Variants in PACSIN1 observed in about 807,000 individuals in gnomAD.
PACSIN1 encodes protein kinase C and casein kinase substrate in neurons protein 1.
PACSIN1 carries 15 observed loss-of-function variants against 59.5 expected under a neutral mutation model. That is an observed-to-expected ratio of 0.25 (90% CI 0.17 to 0.39). PACSIN1 has a LOEUF of 0.39. Among genes scored for constraint, PACSIN1 ranks in the 10% least tolerant of loss-of-function variants. The pLI, the probability that PACSIN1 is intolerant of heterozygous loss-of-function variation, is 1.00. For missense variants in PACSIN1, 420 were observed against 580.2 expected, an observed-to-expected ratio of 0.72 and a Z score of 2.84; for synonymous variants, 210 against 220.6, an observed-to-expected ratio of 0.95 and a Z score of 0.42.
In PACSIN1 at chr6:34,515,368, G is replaced by C. The variant is rs1767273923; in HGVS notation, c.-63-10875G>C. Among the ~76,000 whole-genome samples, 1 of 152,188 alleles carries C rather than the reference G, an allele frequency of 6.6e-6. No individual in the cohort carries two copies. Among genetic ancestry groups the C allele is most frequent in the Non-Finnish European group, 1.5e-5 (1 of 68,010 alleles). Reference sequence around the variant, plus strand: ...GTAGCCATGCCCCCTCCTTGGGGCAGCAGGCCGAGGGAGGCTGGAGCCTCC... The same window carrying C: ...GTAGCCATGCCCCCTCCTTGGGGCACCAGGCCGAGGGAGGCTGGAGCCTCC... On this transcript the variant is annotated intron_variant, in intron 1 of 9. Transcript: ENST00000244458. This position sits in a 1 kb window ranked among gnomAD's most constrained non-coding sequence, Gnocchi z 4.4.
At chr6:34,503,603 TA>T (rs1172180319) in intron 1 of PACSIN1, among the ~76,000 whole-genome samples, 1 of 152,282 alleles carries the variant, frequency 6.6e-6, no homozygotes, top group South Asian at 2.1e-4. Flanking sequence ...GAATGTGGGC[TA>T]GGGGTGCTCA....
chr6:34,520,169 G>T (rs1337922489), intron 1 of PACSIN1, among the ~76,000 whole-genome samples: 1 of 152,124 alleles, frequency 6.6e-6, no homozygotes, highest in African/African-American at 2.4e-5. Flanking sequence ...AGTGGACACG[G>T]TGCATCTCAG....
At chr6:34,509,572 T>A (rs1354466723) in intron 1 of PACSIN1, among the ~76,000 whole-genome samples, 3 of 150,756 alleles carry the variant, frequency 2.0e-5, no homozygotes, top group Admixed American at 6.6e-5. Context: ...CCTATGATTT[T>A]AAGATTTTTT....
In PACSIN1 at chr6:34,525,408, C is replaced by A. The variant is rs532518290; in HGVS notation, c.-63-835C>A. Among the ~76,000 whole-genome samples the A allele has an allele frequency of 1.3e-5, 2 of 152,352 alleles. No homozygotes were observed. The highest frequency in any genetic ancestry group is 4.8e-5 in the African/African-American group (2 of 41,568). ...CCAACTGCTGGACCCCCAGGTTGGG[C>A]TGAATCTTACAGAGGCCAGCCTTCC... On this transcript the variant is annotated intron_variant, in intron 1 of 9. Transcript: ENST00000244458. The surrounding 1 kb of genome is among the most constrained non-coding windows in gnomAD (Gnocchi z 4.9).
rs749060740 is a variant in PACSIN1 at position 34,529,864 on chromosome 6, G to A, written c.788+23G>A. The stretch of plus-strand genomic sequence containing the variant: ...CAGGTACCTGGGCATGGCAGGCACC[G>A]AGGGCACAGGCACAGCCAGCAGATG... On this transcript the variant is annotated intron_variant, in intron 6 of 9. Transcript: ENST00000244458. The surrounding 1 kb of genome is among the most constrained non-coding windows in gnomAD (Gnocchi z 6.3). 44 of 1,607,516 alleles carry A rather than the reference G, an allele frequency of 2.7e-5. No homozygotes were observed. The highest frequency in any genetic ancestry group is 1.2e-4 in the Admixed American group (7 of 59,516).
chr6:34,473,609 G>A (rs987845988), intron 1 of PACSIN1, among the ~76,000 whole-genome samples: 2 of 152,144 alleles, frequency 1.3e-5, no homozygotes, highest in Admixed American at 6.5e-5. Context: ...TGGAGGGCTG[G>A]GGGTTGGGGG....
At chr6:34,511,430 G>A (rs1191051246) in intron 1 of PACSIN1, among the ~76,000 whole-genome samples, 1 of 152,200 alleles carries the variant, frequency 6.6e-6, no homozygotes. Context: ...TAACTGCCCA[G>A]AGCCTCAGTT....
intron 1 of PACSIN1, among the ~76,000 whole-genome samples, chr6:34,468,234 A>G (rs1264215075): frequency 6.6e-6 from 1 of 152,108 alleles, no homozygotes; most frequent in Non-Finnish European, 1.5e-5. Context: ...GGCTGCCAAC[A>G]AGGGTTCTGG....
At chr6:34,498,125 G>A (rs1005992302) in intron 1 of PACSIN1, among the ~76,000 whole-genome samples, 5 of 152,044 alleles carry the variant, frequency 3.3e-5, no homozygotes, top group African/African-American at 1.2e-4. Context: ...GCAGTGGCAC[G>A]ATCTCGGCTC....
chr6:34,529,502 C>G lies in PACSIN1; in HGVS notation c.562C>G (p.Gln188Glu). ...KTEQSVTPEQ[Q>E]KKLQDKVDKC... ...GGAGCAATCGGTCACACCTGAGCAGCAAAAGAAGCTGCAGGACAAAGTGGA... is the reference window on the plus strand; with the variant it reads ...GGAGCAATCGGTCACACCTGAGCAGGAAAAGAAGCTGCAGGACAAAGTGGA... Residue 188 changes from glutamine (Q) to glutamate (E), a missense_variant, in exon 5 of 10, where the codon CAA becomes GAA. Coordinates refer to ENST00000244458, the MANE Select transcript of PACSIN1 (RefSeq NM_020804.5). The surrounding 1 kb of genome is among the most constrained non-coding windows in gnomAD (Gnocchi z 6.3). 1.2e-6 allele frequency: 2 copies of G among 1,614,082 alleles called. No individual in the cohort carries two copies. Among genetic ancestry groups the G allele is most frequent in the Non-Finnish European group, 1.7e-6 (2 of 1,180,038 alleles).
At chr6:34,506,648 G>A (rs1767120516) in intron 1 of PACSIN1, among the ~76,000 whole-genome samples, 2 of 152,188 alleles carry the variant, frequency 1.3e-5, no homozygotes, top group South Asian at 4.1e-4. Context: ...TAGAAATCCA[G>A]GTCCCCTACT....
Position 34,530,366 on chromosome 6 carries a change from G to A in PACSIN1, c.909+3G>A. 1 of 1,613,716 alleles carries A rather than the reference G, an allele frequency of 6.2e-7. No homozygotes were observed. The highest frequency in any genetic ancestry group is 8.5e-7 in the Non-Finnish European group (1 of 1,179,714). ...CCATGAACTGGCCCCAGTTTGAGGT[G>A]AGGATATGTGGGGATGGGAAGGGGA... On this transcript the variant is annotated splice_donor_region_variant and intron_variant, in intron 7 of 9. Transcript: ENST00000244458. The surrounding 1 kb of genome is among the most constrained non-coding windows in gnomAD (Gnocchi z 4.4).
intron 1 of PACSIN1, among the ~76,000 whole-genome samples, chr6:34,517,291 C>A (rs75351737): frequency 0.011 from 1,604 of 152,212 alleles, 40 homozygotes; most frequent in East Asian, 0.078. Flanking sequence ...TCTTCCCTCA[C>A]CTGGGGGACT....
rs1767637178 is a variant in PACSIN1, at chr6:34,533,341, AC to A, written c.*816del. 6.6e-6 allele frequency: 1 copy of A among 151,914 alleles called. No individual in the cohort carries two copies. The highest frequency in any genetic ancestry group is 2.1e-4 in the South Asian group (1 of 4,806). The allele number at this position is 151,914 out of a possible 1,614,324, so 9.4% of individuals were successfully genotyped here. On this transcript the variant is annotated 3_prime_UTR_variant, in exon 10 of 10. Transcript: ENST00000244458. ...AGCATCGGCTCTTCAGCAGATCCAA[AC>A]CCCCTCAGCAACTTGCAGAGGACCT...
At position 34,530,475 on chromosome 6, in the gene PACSIN1, C is replaced by T; in HGVS notation, c.925C>T (p.Leu309Phe). The change falls in exon 8 of 10, where the codon CTT becomes TTT. Residue 309 changes from leucine (L) to phenylalanine (F), a missense_variant. Coordinates refer to ENST00000244458, the MANE Select transcript of PACSIN1 (RefSeq NM_020804.5). This position sits in a 1 kb window ranked among gnomAD's most constrained non-coding sequence, Gnocchi z 4.4. ...GCCCCACCAGGAGTGGAACCCAGACCTTCCTCACACCACCACCAAGAAGGA... is the reference window on the plus strand; with the variant it reads ...GCCCCACCAGGAGTGGAACCCAGACTTTCCTCACACCACCACCAAGAAGGA... Reference protein sequence around the residue: ...WPQFEEWNPDLPHTTTKKEKQ... With the variant: ...WPQFEEWNPDFPHTTTKKEKQ... 1.2e-6 allele frequency: 2 copies of T among 1,603,094 alleles called. No homozygotes were observed. The highest frequency in any genetic ancestry group is 1.7e-6 in the Non-Finnish European group (2 of 1,174,728).
At chr6:34,466,933 G>A (rs1210226500) in intron 1 of PACSIN1, among the ~76,000 whole-genome samples, 1 of 152,198 alleles carries the variant, frequency 6.6e-6, no homozygotes. Flanking sequence ...GCTATGAAAA[G>A]GTTAAAGGGT....
intron 1 of PACSIN1, among the ~76,000 whole-genome samples, chr6:34,497,735 G>C (rs1766969099): frequency 6.6e-6 from 1 of 152,156 alleles, no homozygotes; most frequent in Admixed American, 6.5e-5. Flanking sequence ...TCATCTTCTT[G>C]AATGCACCTG....
chr6:34,483,817 T>G (rs1766756171), intron 1 of PACSIN1, among the ~76,000 whole-genome samples: 1 of 151,666 alleles, frequency 6.6e-6, no homozygotes. Context: ...GCCCGGCTAA[T>G]TTTGTATTTT....
intron 1 of PACSIN1, among the ~76,000 whole-genome samples, chr6:34,489,781 C>T (rs1027409327): frequency 6.6e-6 from 1 of 152,200 alleles, no homozygotes; most frequent in Non-Finnish European, 1.5e-5. Flanking sequence ...AGACCAATGT[C>T]CATGTGGACC....
Sources: gnomAD v4.1 joint callset for allele counts (sites outside exome capture counted in the v4.1 genomes callset) on GRCh38, gnomAD v4.1.1 for gene constraint, Gnocchi (gnomAD v3.1) non-coding constraint, MANE v1.5 for transcripts, NCBI Gene and HGNC (gene_info 2026-07-23, HGNC 2026-07-21) for gene names.